ABTB2: variants seen among roughly 807,000 people sequenced by gnomAD.
The protein encoded by ABTB2 is ankyrin repeat and BTB domain containing 2, also known as ankyrin repeat and BTB/POZ domain-containing protein 2.
A neutral mutation model predicts 104.1 loss-of-function variants in ABTB2; 56 were observed. That is an observed-to-expected ratio of 0.54 (90% confidence interval 0.43 to 0.67). ABTB2 has a LOEUF of 0.67. Ranked by LOEUF, ABTB2 falls within the 30% of genes least tolerant of loss-of-function variation. The pLI, the probability that ABTB2 is intolerant of heterozygous loss-of-function variation, is 0.00. For missense variants in ABTB2, 1,279 were observed against 1,407.7 expected, an observed-to-expected ratio of 0.91 and a Z score of 1.46; for synonymous variants, 606 against 608.2, an observed-to-expected ratio of 1.00 and a Z score of 0.05.
At chr11:34,305,600 A>T (rs541630089) in intron 1 of ABTB2, among the ~76,000 whole-genome samples, 2 of 152,334 alleles carry the variant, frequency 1.3e-5, no homozygotes, top group African/African-American at 4.8e-5. Flanking sequence ...GAGGCAAAAG[A>T]TCTGATATCT....
chr11:34,217,452 A>G (rs561116765), intron 1 of ABTB2, among the ~76,000 whole-genome samples: 52 of 151,596 alleles, frequency 3.4e-4, no homozygotes, highest in African/African-American at 1.2e-3. Context: ...TTGTGTAGAT[A>G]TAAGTTTTTT....
intron 1 of ABTB2, among the ~76,000 whole-genome samples, chr11:34,232,613 A>G (rs2955948): frequency 0.93 from 141,492 of 152,126 alleles, 66,165 homozygotes; most frequent in Non-Finnish European, 0.98. Flanking sequence ...CAGACCACTT[A>G]GTATCTACTC....
chr11:34,310,861 C>G lies in ABTB2; in HGVS notation c.883+45840G>C, dbSNP rs78249218. On this transcript the variant is annotated intron_variant, in intron 1 of 16. Coordinates refer to ENST00000435224, the MANE Select transcript of ABTB2 (RefSeq NM_145804.3). ...TTAGTCCCTTGCACAGCTCCCCACA[C>G]GACACACTCAAAAACAGCTGTGAGA... Among the ~76,000 whole-genome samples the G allele has an allele frequency of 8.5e-5, 13 of 152,306 alleles. No individual in the cohort carries two copies. The South Asian group carries it at 2.5e-3, about 29-fold the overall frequency.
At chr11:34,260,739 C>G (rs1854179376) in intron 1 of ABTB2, among the ~76,000 whole-genome samples, 1 of 152,170 alleles carries the variant, frequency 6.6e-6, no homozygotes, top group East Asian at 1.9e-4. Context: ...CCCATGGAGA[C>G]TAAGTGTCCT....
At chr11:34,188,629 G>A (rs138743003) in intron 3 of ABTB2, among the ~76,000 whole-genome samples, 2 of 152,256 alleles carry the variant, frequency 1.3e-5, no homozygotes, top group South Asian at 2.1e-4. Flanking sequence ...GCACAAAAAG[G>A]GGGAGAGGAA....
Position 34,221,622 on chromosome 11 carries a change from A to T in ABTB2, c.884-16932T>A, listed in dbSNP as rs192023686. ...CTGAGGGCTTGAGGTGGTGACGGCA[A>T]ATCTAGCCCTCATTCAGCTTGAATA... is the stretch of plus-strand genomic sequence containing the variant. On this transcript the variant is annotated intron_variant, in intron 1 of 16. Coordinates refer to ENST00000435224, the MANE Select transcript of ABTB2 (RefSeq NM_145804.3). Among the ~76,000 whole-genome samples the T allele has an allele frequency of 6.6e-5, 10 of 152,328 alleles. No individual in the cohort carries two copies. In the East Asian group the frequency reaches 1.9e-3, roughly 29 times the overall value.
chr11:34,153,898 T>C (rs866838967), intron 16 of ABTB2, among the ~76,000 whole-genome samples: 2 of 152,258 alleles, frequency 1.3e-5, no homozygotes, highest in Middle Eastern at 3.4e-3. Flanking sequence ...ACCATGTTGA[T>C]TGTTGAGATG....
chr11:34,231,148 AAG>A (rs1853764642), intron 1 of ABTB2, among the ~76,000 whole-genome samples: 1 of 152,242 alleles, frequency 6.6e-6, no homozygotes, highest in African/African-American at 2.4e-5. Context: ...AGAGTGCTCA[AAG>A]AATCCTAAAA....
chr11:34,167,382 CTG>C, intron 6 of ABTB2, 22 bp from the exon 7 acceptor site: 1 of 1,601,872 alleles, frequency 6.2e-7, no homozygotes, highest in East Asian at 2.2e-5. Flanking sequence ...CACAAATCAT[CTG>C]TGTTTTCTGG....
intron 1 of ABTB2, among the ~76,000 whole-genome samples, chr11:34,297,596 G>A (rs1350495106): frequency 2.6e-5 from 4 of 151,828 alleles, no homozygotes; most frequent in African/African-American, 9.7e-5. Flanking sequence ...GTTTGACCCT[G>A]TCTCTACTAA....
At chr11:34,212,446 G>A (rs1045892348) in intron 1 of ABTB2, among the ~76,000 whole-genome samples, 4 of 152,268 alleles carry the variant, frequency 2.6e-5, no homozygotes, top group Admixed American at 1.3e-4. Flanking sequence ...TTGGATGAAC[G>A]AGCATTTGAA....
rs1854065910 is a variant in ABTB2 at position 34,252,305 on chromosome 11, TC to T, written c.884-47616del. The stretch of plus-strand genomic sequence containing the variant: ...AACCATCGCATCTCCCCACTTCCTA[TC>T]AGCCTTTTCTTTGGACTGGCCCCAT... On this transcript the variant is annotated intron_variant, in intron 1 of 16. Transcript: ENST00000435224. The surrounding 1 kb of genome is among the most constrained non-coding windows in gnomAD (Gnocchi z 5.5). Among the ~76,000 whole-genome samples, 1 of 152,146 alleles carries T rather than the reference TC, an allele frequency of 6.6e-6. No homozygotes were observed. Among genetic ancestry groups the T allele is most frequent in the African/African-American group, 2.4e-5 (1 of 41,436 alleles).
chr11:34,158,394 CAGTG>C (rs968298559), intron 14 of ABTB2, among the ~76,000 whole-genome samples: 2 of 152,026 alleles, frequency 1.3e-5, no homozygotes, highest in Non-Finnish European at 2.9e-5. Context: ...GCCTGGGCGA[CAGTG>C]AGACTCCGTG....
At chr11:34,334,127 G>A (rs558870109) in intron 1 of ABTB2, among the ~76,000 whole-genome samples, 27 of 152,000 alleles carry the variant, frequency 1.8e-4, no homozygotes, top group Non-Finnish European at 3.1e-4. Flanking sequence ...CAACCCAAAC[G>A]TTTCCTTCTC....
chr11:34,297,484 T>C (rs749868017), intron 1 of ABTB2, among the ~76,000 whole-genome samples: 10 of 152,214 alleles, frequency 6.6e-5, no homozygotes, highest in African/African-American at 2.2e-4. Flanking sequence ...ATGGTTTTAA[T>C]GTATCCCCTC....
At chr11:34,199,656 A>C (rs887279902) in intron 2 of ABTB2, among the ~76,000 whole-genome samples, 1 of 152,032 alleles carries the variant, frequency 6.6e-6, no homozygotes, top group Non-Finnish European at 1.5e-5. Flanking sequence ...GCTCCCCCGG[A>C]GGTCAGCTTA....
At chr11:34,270,206 C>A (rs1311657227) in intron 1 of ABTB2, among the ~76,000 whole-genome samples, 1 of 152,164 alleles carries the variant, frequency 6.6e-6, no homozygotes, top group Non-Finnish European at 1.5e-5. Context: ...AATCCTAGCT[C>A]CCCGACCAAG....
At chr11:34,325,151 T>C (rs192814957) in intron 1 of ABTB2, among the ~76,000 whole-genome samples, 17 of 152,176 alleles carry the variant, frequency 1.1e-4, no homozygotes, top group Admixed American at 2.6e-4. Flanking sequence ...AGAGCTCTGA[T>C]ATTATGTGCA....
In ABTB2 at chr11:34,252,590, G is replaced by C. The variant is rs1854069628; in HGVS notation, c.884-47900C>G. Among the ~76,000 whole-genome samples, 2 of 152,236 alleles carry C rather than the reference G, an allele frequency of 1.3e-5. No homozygotes were observed. The highest frequency in any genetic ancestry group is 6.8e-3 in the Middle Eastern group (2 of 294). On this transcript the variant is annotated intron_variant, in intron 1 of 16. Coordinates refer to ENST00000435224, the MANE Select transcript of ABTB2 (RefSeq NM_145804.3). This position sits in a 1 kb window ranked among gnomAD's most constrained non-coding sequence, Gnocchi z 5.5. ...AGAGAGGAGAGCAGGGAGAGAGAAT[G>C]GGGGGAAGGGTGGGGCCAGGAGGGG...
Sources: gnomAD v4.1 joint callset for allele counts (sites outside exome capture counted in the v4.1 genomes callset) on GRCh38, gnomAD v4.1.1 for gene constraint, Gnocchi (gnomAD v3.1) non-coding constraint, MANE v1.5 for transcripts, NCBI Gene and HGNC (gene_info 2026-07-23, HGNC 2026-07-21) for gene names.